Variants in SUMF1 observed in about 807,000 individuals in gnomAD.
The protein encoded by SUMF1 is formylglycine-generating enzyme.
Under a neutral mutation model 47.6 loss-of-function variants are expected in SUMF1, and 48 were observed. The ratio of observed to expected loss-of-function variants is 1.01; its 90% CI spans 0.80 to 1.28. The LOEUF is 1.28. Among genes scored for constraint, SUMF1 ranks in the 50% most tolerant of loss-of-function variants. The pLI is 0.00. For synonymous variants in SUMF1, 230 were observed against 192.1 expected, an observed-to-expected ratio of 1.20 and a Z score of -1.63; for missense variants, 571 against 485.4, an observed-to-expected ratio of 1.18 and a Z score of -1.66.
intron 8 of SUMF1, among the ~76,000 whole-genome samples, chr3:4,174,905 C>A (rs947112532): frequency 3.9e-5 from 6 of 152,202 alleles, no homozygotes; most frequent in Non-Finnish European, 1.5e-5. Flanking sequence ...TCGGCAGCTC[C>A]CACACCCACG....
chr3:4,336,393 G>T (rs1459253046), intron 8 of SUMF1, among the ~76,000 whole-genome samples: 2 of 152,166 alleles, frequency 1.3e-5, no homozygotes, highest in African/African-American at 4.8e-5. Flanking sequence ...CTCGTGCTCA[G>T]TAAATCTACA....
intron 8 of SUMF1, among the ~76,000 whole-genome samples, chr3:4,328,871 A>G (rs1698996390): frequency 6.6e-6 from 1 of 152,204 alleles, no homozygotes; most frequent in African/African-American, 2.4e-5. Flanking sequence ...CAAGATAGCT[A>G]CTTCCTAGAT....
intron 8 of SUMF1, among the ~76,000 whole-genome samples, chr3:4,348,115 T>C (rs1419288062): frequency 6.6e-6 from 1 of 152,222 alleles, no homozygotes; most frequent in African/African-American, 2.4e-5. Context: ...AAGTAATTTA[T>C]AGATTCAATG....
chr3:4,198,067 G>C (rs1363032153), intron 8 of SUMF1, among the ~76,000 whole-genome samples: 1 of 142,818 alleles, frequency 7.0e-6, no homozygotes, highest in African/African-American at 2.6e-5. Context: ...ATTCTTATTG[G>C]TCAAATGAAA....
At chr3:4,186,398 G>T (rs1403376276) in intron 8 of SUMF1, among the ~76,000 whole-genome samples, 1 of 152,056 alleles carries the variant, frequency 6.6e-6, no homozygotes, top group Non-Finnish European at 1.5e-5. Flanking sequence ...TATATACAGA[G>T]GAGTAGAGAC....
intron 1 of SUMF1, among the ~76,000 whole-genome samples, chr3:4,463,913 C>T (rs948501502): frequency 6.6e-6 from 1 of 152,204 alleles, no homozygotes; most frequent in African/African-American, 2.4e-5. Flanking sequence ...AGGGAATACA[C>T]ATTAAATTTT....
chr3:4,140,744 G>A (rs573915696), intron 8 of SUMF1, among the ~76,000 whole-genome samples: 64 of 151,842 alleles, frequency 4.2e-4, no homozygotes, highest in African/African-American at 1.5e-3. Context: ...ATTTAGTTTT[G>A]TTGTCCTTTC....
chr3:4,351,781 T>C (rs1003959523), intron 8 of SUMF1, among the ~76,000 whole-genome samples: 3 of 152,204 alleles, frequency 2.0e-5, no homozygotes, highest in Non-Finnish European at 4.4e-5. Context: ...GAATAATTTC[T>C]GCAGTGTGAC....
At chr3:4,081,354 AG>A (rs1284021803) in intron 8 of SUMF1, among the ~76,000 whole-genome samples, 1 of 151,780 alleles carries the variant, frequency 6.6e-6, no homozygotes, top group Non-Finnish European at 1.5e-5. Context: ...GCTTCTACTC[AG>A]ATGGGCTTCC....
chr3:4,053,171 G>T (rs1695141037), intron 9 of SUMF1, among the ~76,000 whole-genome samples: 3 of 152,094 alleles, frequency 2.0e-5, no homozygotes, highest in Admixed American at 1.3e-4. Flanking sequence ...CAATATTGTT[G>T]TGTCTCAGGG....
chr3:4,308,018 C>T (rs1264126446), intron 8 of SUMF1, among the ~76,000 whole-genome samples: 2 of 151,772 alleles, frequency 1.3e-5, no homozygotes, highest in African/African-American at 4.8e-5. Context: ...GACTGGGCAG[C>T]AACGTCTTAA....
chr3:4,178,700 G>T (rs931907326), intron 8 of SUMF1, among the ~76,000 whole-genome samples: 14 of 152,118 alleles, frequency 9.2e-5, no homozygotes, highest in Non-Finnish European at 1.6e-4. Context: ...GGGCAATCAG[G>T]CAAGAGAAAG....
intron 8 of SUMF1, among the ~76,000 whole-genome samples, chr3:4,110,889 T>C (rs1693285835): frequency 2.0e-5 from 3 of 150,420 alleles, no homozygotes; most frequent in African/African-American, 4.9e-5. Context: ...ATATACCTAA[T>C]GTTAAATGAC....
chr3:4,161,056 A>G (rs1194939225), intron 8 of SUMF1, among the ~76,000 whole-genome samples: 1 of 152,168 alleles, frequency 6.6e-6, no homozygotes, highest in African/African-American at 2.4e-5. Context: ...GAACACCCCA[A>G]GCCCAGTAAT....
At chr3:4,249,825 G>A (rs2125007625) in intron 8 of SUMF1, among the ~76,000 whole-genome samples, 1 of 152,214 alleles carries the variant, frequency 6.6e-6, no homozygotes, top group East Asian at 1.9e-4. Context: ...GAATGCAAAG[G>A]AAAACTTCTC....
At chr3:4,382,418 A>C (rs1300281848) in intron 7 of SUMF1, among the ~76,000 whole-genome samples, 1 of 152,168 alleles carries the variant, frequency 6.6e-6, no homozygotes, top group Non-Finnish European at 1.5e-5. Flanking sequence ...TAGGAAATAC[A>C]AGGGGTAGAA....
intron 8 of SUMF1, among the ~76,000 whole-genome samples, chr3:4,133,618 AAG>A (rs1343520053): frequency 2.0e-5 from 3 of 151,990 alleles, no homozygotes; most frequent in Non-Finnish European, 2.9e-5. Context: ...AAAATGTGAA[AAG>A]AGAGACTGGC....
chr3:4,075,036 A>G (rs923647366), intron 8 of SUMF1, among the ~76,000 whole-genome samples: 2 of 152,126 alleles, frequency 1.3e-5, no homozygotes, highest in African/African-American at 4.8e-5. Context: ...GCAGAGACAC[A>G]ACAAAAAAAA....
chr3:4,273,085 T>C (rs964231155), intron 8 of SUMF1, among the ~76,000 whole-genome samples: 1 of 149,216 alleles, frequency 6.7e-6, no homozygotes, highest in African/African-American at 2.4e-5. Flanking sequence ...TATATAAATA[T>C]ATATACACAC....
Sources: allele counts gnomAD v4.1 joint callset (sites outside exome capture counted in the v4.1 genomes callset), GRCh38; gene constraint gnomAD v4.1.1; transcripts MANE v1.5; gene names NCBI Gene and HGNC (gene_info 2026-07-23, HGNC 2026-07-21).